OPCML: variants seen among roughly 807,000 people sequenced by gnomAD.
The protein encoded by OPCML is opioid binding protein/cell adhesion molecule like.
OPCML carries 13 observed loss-of-function variants against 37.8 expected under a neutral mutation model. The ratio of observed to expected loss-of-function variants is 0.34; its 90% CI spans 0.22 to 0.55. The LOEUF is 0.55. OPCML is among the 20% of genes least tolerant of loss of function. The pLI is 0.91. For missense variants in OPCML, 341 were observed against 435.6 expected (o/e 0.78, Z 1.93); for synonymous variants, 176 against 168.8 (o/e 1.04, Z -0.33).
At chr11:132,863,098 G>T (rs1942374092) in intron 2 of OPCML, among the ~76,000 whole-genome samples, 1 of 152,148 alleles carries the variant, frequency 6.6e-6, no homozygotes, top group Non-Finnish European at 1.5e-5. Context: ...CAGTCACCAT[G>T]TATCAGACCC....
chr11:132,887,410 C>T (rs905657042), intron 2 of OPCML, among the ~76,000 whole-genome samples: 2 of 152,224 alleles, frequency 1.3e-5, no homozygotes, highest in Admixed American at 1.3e-4. Flanking sequence ...CTTCCAACTC[C>T]TTGTTCTGAA....
intron 7 of OPCML, among the ~76,000 whole-genome samples, chr11:132,426,130 GAGTGACAACAC>G (rs2095976954): frequency 1.3e-5 from 2 of 152,150 alleles, no homozygotes; most frequent in Admixed American, 6.5e-5. Flanking sequence ...AAAATAAACT[GAGTGACAACAC>G]AGTGACAACA....
At chr11:133,333,041 T>C (rs1464858416) in intron 1 of OPCML, among the ~76,000 whole-genome samples, 2 of 151,200 alleles carry the variant, frequency 1.3e-5, no homozygotes, top group Non-Finnish European at 2.9e-5. Flanking sequence ...GTAGTAGTAG[T>C]AGTACTAGTA....
chr11:132,530,299 G>A lies in OPCML; in HGVS notation c.380-1113C>T, dbSNP rs558321436. ...TACTCTCTCACCTCCAGGCCTTGATGCTCTTCAACTTAAAGGTCAGTATTG... is the reference window on the plus strand; with the variant it reads ...TACTCTCTCACCTCCAGGCCTTGATACTCTTCAACTTAAAGGTCAGTATTG... On this transcript the variant is annotated intron_variant, in intron 3 of 7. Transcript: ENST00000524381. 3.9e-5 allele frequency among the ~76,000 whole-genome samples: 5 copies of A among 129,608 alleles called. No homozygotes were observed. The South Asian group carries it at 9.2e-4, about 24-fold the overall frequency. 85.0% of individuals were successfully genotyped at this position (129,608 alleles called of 152,430 possible). A position where few individuals can be genotyped will look rare whatever the true frequency, so the allele number is the denominator to read the frequency against.
chr11:133,090,086 G>A (rs1385295728), intron 1 of OPCML, among the ~76,000 whole-genome samples: 1 of 152,016 alleles, frequency 6.6e-6, no homozygotes, highest in Non-Finnish European at 1.5e-5. Flanking sequence ...CTTGTCGTTG[G>A]CTCGGTTTTA....
intron 2 of OPCML, among the ~76,000 whole-genome samples, chr11:132,906,384 C>A (rs978725470): frequency 6.6e-6 from 1 of 152,072 alleles, no homozygotes; most frequent in African/African-American, 2.4e-5. Flanking sequence ...AACAGTCAGC[C>A]CTGAGGGGCC....
At chr11:132,584,168 A>G (rs1171757648) in intron 3 of OPCML, among the ~76,000 whole-genome samples, 2 of 152,182 alleles carry the variant, frequency 1.3e-5, no homozygotes, top group African/African-American at 4.8e-5. Context: ...GAGTTTATAT[A>G]CCTGAATATA....
chr11:132,842,257 A>T (rs1404324507), intron 2 of OPCML, among the ~76,000 whole-genome samples: 1 of 152,062 alleles, frequency 6.6e-6, no homozygotes, highest in East Asian at 1.9e-4. Context: ...TCTTCCTCTC[A>T]CGCCGCACGT....
chr11:132,516,731 C>G lies in OPCML; in HGVS notation c.505+12330G>C, dbSNP rs1347315880. Reference sequence around the variant, plus strand: ...TGACAGAGAGGCTGAGTTTCAGTCACTCAAGGTGGTATCCTCAACACCTTT... The same window carrying G: ...TGACAGAGAGGCTGAGTTTCAGTCAGTCAAGGTGGTATCCTCAACACCTTT... On this transcript the variant is annotated intron_variant, in intron 4 of 7. Coordinates refer to ENST00000524381, the MANE Select transcript of OPCML (RefSeq NM_001012393.5). Among the ~76,000 whole-genome samples, 3 of 152,290 alleles carry G rather than the reference C, an allele frequency of 2.0e-5. No homozygotes were observed. In the East Asian group the frequency reaches 5.8e-4, roughly 29 times the overall value.
intron 2 of OPCML, among the ~76,000 whole-genome samples, chr11:132,727,236 TA>T (rs1275553876): frequency 2.0e-5 from 3 of 152,118 alleles, no homozygotes; most frequent in Non-Finnish European, 2.9e-5. Flanking sequence ...GTCACGTGGT[TA>T]GGTAAGTGGA....
chr11:133,479,891 C>T (rs1384856130), intron 1 of OPCML, among the ~76,000 whole-genome samples: 3 of 152,202 alleles, frequency 2.0e-5, no homozygotes, highest in Non-Finnish European at 2.9e-5. Flanking sequence ...GCCTGGCCTT[C>T]GAAGAGCACT....
chr11:133,320,835 A>G (rs1943312014), intron 1 of OPCML, among the ~76,000 whole-genome samples: 2 of 152,318 alleles, frequency 1.3e-5, no homozygotes, highest in South Asian at 2.1e-4. Flanking sequence ...TGTAAAGTCC[A>G]TGAAGGAAAT....
At chr11:133,069,715 C>T (rs975760805) in intron 1 of OPCML, among the ~76,000 whole-genome samples, 6 of 152,202 alleles carry the variant, frequency 3.9e-5, no homozygotes, top group Non-Finnish European at 8.8e-5. Flanking sequence ...GTTTCCTGGG[C>T]GTGTTTCTGC....
At chr11:132,606,603 A>G (rs1395815126) in intron 3 of OPCML, among the ~76,000 whole-genome samples, 2 of 152,126 alleles carry the variant, frequency 1.3e-5, no homozygotes, top group African/African-American at 4.8e-5. Flanking sequence ...AAGTAAAGCC[A>G]TCCTGCAAGG....
At chr11:132,588,071 A>G (rs1389816317) in intron 3 of OPCML, among the ~76,000 whole-genome samples, 2 of 152,144 alleles carry the variant, frequency 1.3e-5, no homozygotes, top group Non-Finnish European at 2.9e-5. Context: ...AAAGCTCCTC[A>G]TGCCGTGAGA....
At chr11:133,283,037 T>C (rs1400515316) in intron 1 of OPCML, among the ~76,000 whole-genome samples, 3 of 152,188 alleles carry the variant, frequency 2.0e-5, no homozygotes, top group Non-Finnish European at 4.4e-5. Flanking sequence ...AAGTCTCAGA[T>C]GAGACTTAGG....
At chr11:132,724,242 A>G (rs1306882655) in intron 2 of OPCML, among the ~76,000 whole-genome samples, 1 of 152,182 alleles carries the variant, frequency 6.6e-6, no homozygotes, top group African/African-American at 2.4e-5. Flanking sequence ...CCTGGAAGAG[A>G]GAGAGAAAAT....
chr11:133,031,211 A>G (rs1330281404), intron 1 of OPCML, among the ~76,000 whole-genome samples: 1 of 152,076 alleles, frequency 6.6e-6, no homozygotes, highest in Non-Finnish European at 1.5e-5. Flanking sequence ...GGGTGGGTGG[A>G]TGGACAGATG....
intron 3 of OPCML, among the ~76,000 whole-genome samples, chr11:132,616,602 T>C (rs1409255582): frequency 6.6e-6 from 1 of 152,350 alleles, no homozygotes; most frequent in Admixed American, 6.5e-5. Context: ...CCTGGGAGTA[T>C]ACATTTTGTA....
Sources: gnomAD v4.1 joint callset for allele counts (sites outside exome capture counted in the v4.1 genomes callset) on GRCh38, gnomAD v4.1.1 for gene constraint, MANE v1.5 for transcripts, NCBI Gene and HGNC (gene_info 2026-07-23, HGNC 2026-07-21) for gene names.